TNRC6C: variants seen among roughly 807,000 people sequenced by gnomAD.
The protein encoded by TNRC6C is trinucleotide repeat containing adaptor 6C.
A neutral mutation model predicts 153.7 loss-of-function variants in TNRC6C; 20 were observed. The ratio of observed to expected loss-of-function variants is 0.13; its 90% CI spans 0.09 to 0.19. The LOEUF (loss-of-function observed/expected upper bound fraction) is 0.19. TNRC6C is among the 10% of genes least tolerant of loss of function. The probability of loss-of-function intolerance (pLI) is 1.00; values close to 1 mark genes in which losing one functional copy is unlikely to be tolerated. For missense variants in TNRC6C, 1,987 were observed against 2,172.0 expected (o/e 0.91, Z 1.69); for synonymous variants, 811 against 841.4 (o/e 0.96, Z 0.63).
intron 12 of TNRC6C, 63 bp from the exon 15 acceptor site, chr17:78,086,790 C>CA: frequency 6.3e-7 from 1 of 1,590,396 alleles, no homozygotes; most frequent in Non-Finnish European, 8.6e-7. Context: ...TGCATTTGGT[C>CA]CCTAGACAAG....
intron 1 of TNRC6C, among the ~76,000 whole-genome samples, chr17:77,988,528 G>C (rs1022380432): frequency 2.6e-5 from 4 of 152,142 alleles, no homozygotes; most frequent in African/African-American, 4.8e-5. Flanking sequence ...AAAACTCACA[G>C]CTTCCATTTT....
At chr17:77,991,887 G>A (rs1023964022) in intron 1 of TNRC6C, among the ~76,000 whole-genome samples, 4 of 152,142 alleles carry the variant, frequency 2.6e-5, no homozygotes, top group African/African-American at 7.2e-5. Context: ...AACTCAGTCC[G>A]ACCTCAGTTG....
intron 1 of TNRC6C, among the ~76,000 whole-genome samples, chr17:78,014,233 A>C (rs1174589360): frequency 6.6e-6 from 1 of 152,196 alleles, no homozygotes; most frequent in Non-Finnish European, 1.5e-5. Context: ...TAGCATGAAA[A>C]GAGATGTGGT....
chr17:77,993,680 G>A (rs771586030), intron 1 of TNRC6C, among the ~76,000 whole-genome samples: 5 of 152,054 alleles, frequency 3.3e-5, no homozygotes, highest in Non-Finnish European at 5.9e-5. Flanking sequence ...CTTTTGCAGG[G>A]TGTGGGCAGC....
intron 1 of TNRC6C, among the ~76,000 whole-genome samples, chr17:77,991,698 TCTAA>T (rs1420454542): frequency 6.6e-5 from 10 of 152,250 alleles, no homozygotes; most frequent in African/African-American, 2.2e-4. Flanking sequence ...TCGCTTTTAC[TCTAA>T]CTGATATATA....
chr17:78,039,959 G>A (rs1333616201), intron 2 of TNRC6C, among the ~76,000 whole-genome samples: 2 of 152,322 alleles, frequency 1.3e-5, no homozygotes, highest in African/African-American at 2.4e-5. Context: ...CCCCTTCACT[G>A]GCAGTAGCCA....
At chr17:78,010,432 A>G (rs553802082) in intron 1 of TNRC6C, among the ~76,000 whole-genome samples, 2 of 152,326 alleles carry the variant, frequency 1.3e-5, no homozygotes, top group East Asian at 3.9e-4. Context: ...AATATCAATC[A>G]GAATGAAAAG....
chr17:78,050,721 G>T (rs1246645212), exon 3 of TNRC6C: 7 of 1,583,766 alleles, frequency 4.4e-6, no homozygotes, highest in Non-Finnish European at 6.0e-6. Context: ...CTGCTGCCAA[G>T]AGTGGCCATG....
At chr17:77,994,932 C>A (rs2071305431) in intron 1 of TNRC6C, among the ~76,000 whole-genome samples, 1 of 152,120 alleles carries the variant, frequency 6.6e-6, no homozygotes, top group Non-Finnish European at 1.5e-5. Context: ...ATTGGTGTGA[C>A]AGTATTTAAA....
chr17:77,985,366 G>T (rs1300069673), intron 1 of TNRC6C, among the ~76,000 whole-genome samples: 1 of 151,982 alleles, frequency 6.6e-6, no homozygotes, highest in African/African-American at 2.4e-5. Flanking sequence ...AGGCCGAGGC[G>T]GGCGGATCAT....
At chr17:77,959,016 AGGACGCGTCGCGGCGTTGCCGGGGCC>A (rs1366052646), upstream of TNRC6C, among the ~76,000 whole-genome samples, 1 of 141,862 alleles carries the variant, frequency 7.0e-6, no homozygotes, top group African/African-American at 2.6e-5. Flanking sequence ...CGTGAGGAGG[AGGACGCGTCGCGGCGTTGCCGGGGCC>A]GGACCTGGAC....
chr17:78,009,852 CTGAA>C (rs772481747), intron 1 of TNRC6C, among the ~76,000 whole-genome samples: 1 of 151,738 alleles, frequency 6.6e-6, no homozygotes, highest in Non-Finnish European at 1.5e-5. Context: ...TGCCCCTGGC[CTGAA>C]TTATGATTTT....
intron 4 of TNRC6C, chr17:78,066,822 C>G (rs535146104): frequency 6.6e-6 from 1 of 152,176 alleles, no homozygotes; most frequent in Non-Finnish European, 1.5e-5. Flanking sequence ...CGGGCCCAAC[C>G]TCAGGCCTGC....
chr17:78,077,081 A>T, intron 8 of TNRC6C, 104 bp from the exon 11 acceptor site: 4 of 1,305,810 alleles, frequency 3.1e-6, no homozygotes, highest in Admixed American at 5.7e-5. Context: ...TTGATCTGTT[A>T]ATTATTTATC....
At position 78,073,105 on chromosome 17, in the gene TNRC6C, C is replaced by A. The variant is rs1032196041; in HGVS notation, c.2917+11C>A. ...TTGATCAGGCCATGAGTAAGTCATA[C>A]AACATCCTTTTTAAAAAGGTACCCA... On this transcript the variant is annotated intron_variant, in intron 7 of 19. Transcript: ENST00000301624. The A allele has an allele frequency of 6.5e-7, 1 of 1,550,378 alleles. No individual in the cohort carries two copies. The highest frequency in any genetic ancestry group is 8.7e-7 in the Non-Finnish European group (1 of 1,145,926).
At position 77,969,438 on chromosome 17, in the gene TNRC6C, C is replaced by T. The variant is rs144608779; in HGVS notation, c.-38+10170C>T. On this transcript the variant is annotated intron_variant, in intron 1 of 22. Coordinates refer to the TNRC6C transcript ENST00000636222. ...CTAATTTTTGTATTTTTAGTAGAGA[C>T]GGGGTTTCACCATGTTGGCCAGGGT... Among the ~76,000 whole-genome samples the T allele has an allele frequency of 3.8e-4, 58 of 151,858 alleles. No homozygotes were observed. The East Asian group carries it at 8.0e-3, about 21-fold the overall frequency.
At chr17:78,096,950 C>T (rs1812491225) in intron 16 of TNRC6C, among the ~76,000 whole-genome samples, 1 of 152,214 alleles carries the variant, frequency 6.6e-6, no homozygotes, top group South Asian at 2.1e-4. Flanking sequence ...CTTTCAGGCA[C>T]AGGGACAAGC....
intron 1 of TNRC6C, among the ~76,000 whole-genome samples, chr17:78,028,122 T>TCTC (rs2071982367): frequency 6.6e-6 from 1 of 152,120 alleles, no homozygotes; most frequent in African/African-American, 2.4e-5. Context: ...ATGGTCTCGA[T>TCTC]CTGACCTTGT....
chr17:78,015,975 A>AT (rs2143461362), intron 1 of TNRC6C, among the ~76,000 whole-genome samples: 1 of 152,310 alleles, frequency 6.6e-6, no homozygotes, highest in African/African-American at 2.4e-5. Flanking sequence ...ATTTCGGCTG[A>AT]AGAATATAGA....
Sources: gnomAD v4.1 joint callset for allele counts (sites outside exome capture counted in the v4.1 genomes callset) on GRCh38, gnomAD v4.1.1 for gene constraint, MANE v1.5 for transcripts, NCBI Gene and HGNC (gene_info 2026-07-23, HGNC 2026-07-21) for gene names.